Variants in CNTNAP2 observed in about 807,000 individuals in gnomAD.
The protein encoded by CNTNAP2 is contactin associated protein 2.
In CNTNAP2, 98 loss-of-function variants were observed where a neutral mutation model predicts 155.2. That is an observed-to-expected ratio of 0.63 (90% CI 0.54 to 0.75). The LOEUF is 0.75. Among genes scored for constraint, CNTNAP2 ranks in the 30% least tolerant of loss-of-function variants. The pLI is 0.00. For synonymous variants in CNTNAP2, 651 were observed against 631.2 expected (o/e 1.03, Z -0.47); for missense variants, 1,727 against 1,688.1 (o/e 1.02, Z -0.40).
intron 16 of CNTNAP2, among the ~76,000 whole-genome samples, chr7:148,130,908 C>T (rs1804817274): frequency 6.6e-6 from 1 of 152,100 alleles, no homozygotes; most frequent in African/African-American, 2.4e-5. Flanking sequence ...TCATTAGGTG[C>T]ATTGCCTGGA....
intron 17 of CNTNAP2, among the ~76,000 whole-genome samples, chr7:148,154,498 C>G (rs1388483967): frequency 6.6e-6 from 1 of 152,132 alleles, no homozygotes; most frequent in Non-Finnish European, 1.5e-5. Context: ...CCAGTGCCAT[C>G]TGAAATGCAG....
intron 1 of CNTNAP2, among the ~76,000 whole-genome samples, chr7:146,139,874 T>A (rs1797853103): frequency 6.6e-6 from 1 of 152,168 alleles, no homozygotes; most frequent in African/African-American, 2.4e-5. Flanking sequence ...GCACAGTGAA[T>A]AGCACAATTT....
chr7:146,672,571 C>G (rs892596095), intron 1 of CNTNAP2, among the ~76,000 whole-genome samples: 2 of 152,140 alleles, frequency 1.3e-5, no homozygotes, highest in African/African-American at 4.8e-5. Context: ...CAAAAAACCA[C>G]TTGGAATGGG....
intron 15 of CNTNAP2, among the ~76,000 whole-genome samples, chr7:148,048,617 A>G (rs974837590): frequency 1.3e-5 from 2 of 152,156 alleles, no homozygotes; most frequent in Non-Finnish European, 2.9e-5. Flanking sequence ...AAGAATGTGC[A>G]AATTGAGCTA....
intron 2 of CNTNAP2, among the ~76,000 whole-genome samples, chr7:146,837,504 G>GT (rs1318247622): frequency 1.3e-5 from 2 of 151,948 alleles, no homozygotes; most frequent in Admixed American, 6.6e-5. Flanking sequence ...TGTTTTTAAA[G>GT]TCCTGGTCTG....
intron 12 of CNTNAP2, among the ~76,000 whole-genome samples, chr7:147,630,575 C>A (rs541556951): frequency 6.6e-6 from 1 of 152,180 alleles, no homozygotes; most frequent in East Asian, 1.9e-4. Flanking sequence ...AAATCCTCAA[C>A]AAAATACTAG....
chr7:146,146,519 G>A (rs1323161724), intron 1 of CNTNAP2, among the ~76,000 whole-genome samples: 5 of 151,930 alleles, frequency 3.3e-5, no homozygotes, highest in African/African-American at 1.2e-4. Context: ...TATTTGCCTT[G>A]AAGTTATTTA....
chr7:148,064,576 G>T (rs1803218695), intron 15 of CNTNAP2, among the ~76,000 whole-genome samples: 1 of 150,814 alleles, frequency 6.6e-6, no homozygotes, highest in Admixed American at 6.6e-5. Flanking sequence ...CAAAGTTTCA[G>T]GATACAAAAT....
In CNTNAP2 at chr7:146,221,576, C is replaced by T. The variant is rs562661002; in HGVS notation, c.97+104603C>T. On this transcript the variant is annotated intron_variant, in intron 1 of 23. Coordinates refer to ENST00000361727, the MANE Select transcript of CNTNAP2 (RefSeq NM_014141.6). ...GATTAGCCTGATATATTTATTTTCC[C>T]AATATTTATAATCAATCAGATAAAG... is the stretch of plus-strand genomic sequence containing the variant. Among the ~76,000 whole-genome samples the T allele has an allele frequency of 2.6e-5, 4 of 152,092 alleles. No homozygotes were observed. In the South Asian group the frequency reaches 8.3e-4, roughly 32 times the overall value.
At chr7:146,730,168 AC>A (rs1801499113) in intron 1 of CNTNAP2, among the ~76,000 whole-genome samples, 1 of 152,178 alleles carries the variant, frequency 6.6e-6, no homozygotes, top group Non-Finnish European at 1.5e-5. Context: ...ACATACTGAG[AC>A]TTTGATGATG....
chr7:147,049,890 G>A (rs993325753), intron 4 of CNTNAP2, among the ~76,000 whole-genome samples: 4 of 152,112 alleles, frequency 2.6e-5, no homozygotes, highest in Non-Finnish European at 5.9e-5. Flanking sequence ...TGTCATCTGA[G>A]AAATGAGGTA....
intron 1 of CNTNAP2, among the ~76,000 whole-genome samples, chr7:146,167,624 G>C (rs1306309531): frequency 6.6e-6 from 1 of 152,194 alleles, no homozygotes; most frequent in African/African-American, 2.4e-5. Flanking sequence ...CTTTGTTGTT[G>C]CTTTTCAAAG....
intron 1 of CNTNAP2, among the ~76,000 whole-genome samples, chr7:146,199,154 G>A (rs890348720): frequency 3.3e-5 from 5 of 152,052 alleles, no homozygotes; most frequent in Middle Eastern, 6.8e-3. Flanking sequence ...TTTAAAACAT[G>A]CCTAAAAATT....
At chr7:148,222,332 G>A (rs1015962096) in intron 19 of CNTNAP2, among the ~76,000 whole-genome samples, 1 of 152,232 alleles carries the variant, frequency 6.6e-6, no homozygotes, top group African/African-American at 2.4e-5. Context: ...GGCCAAACCT[G>A]GTGAGGGCCT....
intron 3 of CNTNAP2, among the ~76,000 whole-genome samples, chr7:146,867,668 C>A (rs1164109598): frequency 1.3e-5 from 2 of 152,060 alleles, no homozygotes; most frequent in African/African-American, 2.4e-5. Context: ...TCTTCACAAC[C>A]TCATCAGCAT....
intron 1 of CNTNAP2, among the ~76,000 whole-genome samples, chr7:146,542,152 TG>T (rs1450065025): frequency 1.3e-5 from 2 of 151,918 alleles, no homozygotes; most frequent in African/African-American, 4.8e-5. Flanking sequence ...ACTGTCTTCT[TG>T]TTTAGTTCTT....
chr7:147,774,504 C>T (rs956865276), intron 13 of CNTNAP2, among the ~76,000 whole-genome samples: 1 of 152,150 alleles, frequency 6.6e-6, no homozygotes, highest in African/African-American at 2.4e-5. Flanking sequence ...CAAATTCATG[C>T]ATTAAAGCCT....
At chr7:147,630,024 G>GA in intron 12 of CNTNAP2, among the ~76,000 whole-genome samples, 1 of 151,340 alleles carries the variant, frequency 6.6e-6, no homozygotes, top group Non-Finnish European at 1.5e-5. Flanking sequence ...AAAGATAAAT[G>GA]AAAAAAAGTG....
At chr7:146,129,008 T>C (rs1797677112) in intron 1 of CNTNAP2, among the ~76,000 whole-genome samples, 1 of 152,210 alleles carries the variant, frequency 6.6e-6, no homozygotes, top group African/African-American at 2.4e-5. Context: ...TTTATACTTA[T>C]TTGCTCAGTG....
Sources: gnomAD v4.1 joint callset for allele counts (sites outside exome capture counted in the v4.1 genomes callset) on GRCh38, gnomAD v4.1.1 for gene constraint, MANE v1.5 for transcripts, NCBI Gene and HGNC (gene_info 2026-07-23, HGNC 2026-07-21) for gene names.